The following MMP15 variants were observed in gnomAD, a reference collection of about 807,000 sequenced individuals.
MMP15 encodes matrix metalloproteinase-15.
In MMP15, 36 loss-of-function variants were observed where a neutral mutation model predicts 65.0. The observed-to-expected ratio is 0.55, with a 90% CI of 0.42 to 0.73. MMP15 has a LOEUF of 0.73. MMP15 is among the 30% of genes least tolerant of loss of function. The probability of loss-of-function intolerance (pLI) is 0.00; values close to 1 mark genes in which losing one functional copy is unlikely to be tolerated. For synonymous variants in MMP15, 428 were observed against 410.2 expected, an observed-to-expected ratio of 1.04 and a Z score of -0.52; for missense variants, 870 against 987.8, an observed-to-expected ratio of 0.88 and a Z score of 1.60.
intron 1 of MMP15, among the ~76,000 whole-genome samples, chr16:58,032,825 A>G (rs902898724): frequency 6.6e-6 from 1 of 152,228 alleles, no homozygotes. Context: ...GGCAGCCTTG[A>G]CAAGGCTTCT....
rs150497862 is a variant in MMP15, at chr16:58,041,675, G to A, written c.969G>A (p.Arg323=). 6.8e-4 allele frequency: 1,067 copies of A among 1,578,502 alleles called. 8 individuals are homozygous for A. The African/African-American group carries it at 0.013, about 19-fold the overall frequency. The change falls in exon 6 of 10, where the codon CGG becomes CGA. Residue 323 remains arginine, a synonymous_variant. Transcript: ENST00000219271. ...TQPLPTVTPR[R]PGRPDHRPPR... ...CTCTCCCCACTGTGACGCCACGGCG[G>A]CCAGGCCGGCCTGACCACCGGCCGC...
chr16:58,038,987 GCA>G (rs1195524635), intron 3 of MMP15, among the ~76,000 whole-genome samples: 3 of 152,158 alleles, frequency 2.0e-5, no homozygotes, highest in African/African-American at 7.2e-5. Context: ...TTAATGTCTA[GCA>G]CACAGAGCTG....
In MMP15 at chr16:58,026,261, C is replaced by T. The variant is rs1018082207; in HGVS notation, c.-90C>T. The T allele has an allele frequency of 1.5e-5, 18 of 1,220,010 alleles. No homozygotes were observed. Among genetic ancestry groups the T allele is most frequent in the East Asian group, 3.2e-5 (1 of 31,216 alleles). 75.6% of individuals were successfully genotyped at this position (1,220,010 alleles called of 1,614,324 possible). A position where few individuals can be genotyped will look rare whatever the true frequency, so the allele number is the denominator to read the frequency against. The stretch of plus-strand genomic sequence containing the variant: ...AGCCCGAGGTCCGCGGCGCGCCTGC[C>T]GGGCCAGGAGCCAGGGAGCGTCGCA... On this transcript the variant is annotated 5_prime_UTR_variant, in exon 1 of 10. Transcript: ENST00000219271.
intron 7 of MMP15, 128 bp downstream of exon 7, chr16:58,042,497 A>T: frequency 7.5e-7 from 1 of 1,329,496 alleles, no homozygotes; most frequent in Non-Finnish European, 1.0e-6. Context: ...CTGTGGGCTC[A>T]CTCTGGGAGG....
At chr16:58,040,804 C>T in intron 5 of MMP15, 106 bp downstream of exon 5, 16 of 1,496,678 alleles carry the variant, frequency 1.1e-5, no homozygotes, top group Non-Finnish European at 1.4e-5. Context: ...GAACCCAAGG[C>T]TCAGTGAGGA....
In MMP15 at chr16:58,043,519, C is replaced by T. The variant is rs767142227; in HGVS notation, c.1462C>T (p.Arg488Cys). 2.9e-5 allele frequency: 47 copies of T among 1,613,782 alleles called. No homozygotes were observed. The highest frequency in any genetic ancestry group is 3.4e-6 in the Non-Finnish European group (4 of 1,179,884). Residue 488 changes from arginine (R) to cysteine (C), a missense_variant, in exon 9 of 10, where the codon CGC (arginine) becomes TGC (cysteine). Arg to Cys is a radical substitution (Grantham distance 180, BLOSUM62 -3). Coordinates refer to ENST00000219271, the MANE Select transcript of MMP15 (RefSeq NM_002428.4). ...TFFFQEDRYWRFNEETQRGDP... is the reference protein window; with the variant it reads ...TFFFQEDRYWCFNEETQRGDP... ...TGGTGCTTTTGTTCACAGGTACTGGCGCTTCAACGAGGAGACACAGCGTGG... is the reference window on the plus strand; with the variant it reads ...TGGTGCTTTTGTTCACAGGTACTGGTGCTTCAACGAGGAGACACAGCGTGG...
chr16:58,042,287 C>T lies in MMP15; in HGVS notation c.1221C>T (p.Pro407=). ...GCGTCCTGGACAACTATCCCATGCC[C>T]ATCGGGCACTTCTGGCGTGGTCTGC... ...HNRVLDNYPM[P]IGHFWRGLPG... The change falls in exon 7 of 10, where the codon CCC becomes CCT. Residue 407 remains proline, a synonymous_variant. Coordinates refer to ENST00000219271, the MANE Select transcript of MMP15 (RefSeq NM_002428.4). 6.2e-7 allele frequency: 1 copy of T among 1,614,226 alleles called. No individual in the cohort carries two copies. The highest frequency in any genetic ancestry group is 1.6e-4 in the Middle Eastern group (1 of 6,062).
chr16:58,044,934 G>A, intron 9 of MMP15, 73 bp from the exon 10 acceptor site: 2 of 1,537,646 alleles, frequency 1.3e-6, no homozygotes, highest in East Asian at 2.3e-5. Flanking sequence ...CCCTCAGCAT[G>A]TCCTGGCCTT....
At chr16:58,026,633 G>A (rs1963819454) in intron 1 of MMP15, 121 bp downstream of exon 1, 1 of 1,131,160 alleles carries the variant, frequency 8.8e-7, no homozygotes. Context: ...CTGGGCCGTG[G>A]CGGGGAAGCA....
At position 58,045,595 on chromosome 16, in the gene MMP15, T is replaced by G. The variant is rs138174529; in HGVS notation, c.*149T>G. 734 of 660,038 alleles carry G rather than the reference T, an allele frequency of 1.1e-3. 9 individuals carry two copies. The African/African-American group carries it at 0.012, about 11-fold the overall frequency. 40.9% of individuals were successfully genotyped at this position (660,038 alleles called of 1,614,324 possible). On this transcript the variant is annotated 3_prime_UTR_variant, in exon 10 of 10. Coordinates refer to ENST00000219271, the MANE Select transcript of MMP15 (RefSeq NM_002428.4). Reference sequence around the variant, plus strand: ...CTCATTATTTATGTCCAGGTGTTTGTTTTGTTTTGTTTTTGGCACCTTACT... The same window carrying G: ...CTCATTATTTATGTCCAGGTGTTTGGTTTGTTTTGTTTTTGGCACCTTACT...
At position 58,026,395 on chromosome 16, in the gene MMP15, C is replaced by A. The variant is rs887797415; in HGVS notation, c.45C>A (p.Gly15=). 7.1e-7 allele frequency: 1 copy of A among 1,411,708 alleles called. No homozygotes were observed. 87.4% of individuals were successfully genotyped at this position (1,411,708 alleles called of 1,614,324 possible). The change falls in exon 1 of 10, where the codon GGC becomes GGA. Residue 15 remains glycine (G), a synonymous_variant. Transcript: ENST00000219271. The stretch of plus-strand genomic sequence containing the variant: ...CGCCCGGACGGCCGGGCTGGACGGG[C>A]AGCCTCCTCGGCGACCGGGAGGAGG... ...PSAPGRPGWT[G]SLLGDREEAA... is the part of the protein sequence containing the mutation.
chr16:58,044,977 G>T, intron 9 of MMP15, 30 bp from the exon 10 acceptor site: 1 of 1,612,398 alleles, frequency 6.2e-7, no homozygotes, highest in Non-Finnish European at 8.5e-7. Flanking sequence ...GGCTCAACCT[G>T]AAGCCACTCT....
In MMP15 at chr16:58,039,495, G is replaced by A. The variant is rs80327310; in HGVS notation, c.441-380G>A. Reference sequence around the variant, plus strand: ...ACTTACCCAAGGTCACACAGATACTGTTAGAGCCAGGCCTTGAACTCAGGT... The same window carrying A: ...ACTTACCCAAGGTCACACAGATACTATTAGAGCCAGGCCTTGAACTCAGGT... On this transcript the variant is annotated intron_variant, in intron 3 of 9. Coordinates refer to ENST00000219271, the MANE Select transcript of MMP15 (RefSeq NM_002428.4). Among the ~76,000 whole-genome samples the A allele has an allele frequency of 3.0e-3, 463 of 152,330 alleles. 5 individuals carry two copies. The highest frequency in any genetic ancestry group is 0.02 in the East Asian group (106 of 5,178).
At chr16:58,042,171 G>A (rs1959470465) in intron 6 of MMP15, 60 bp from the exon 7 acceptor site, 36 of 1,564,504 alleles carry the variant, frequency 2.3e-5, no homozygotes, top group Non-Finnish European at 3.1e-5. Flanking sequence ...TTTGAGGATG[G>A]CACCTCTCCC....
intron 1 of MMP15, among the ~76,000 whole-genome samples, chr16:58,028,955 C>G (rs1963861026): frequency 6.6e-6 from 1 of 152,256 alleles, no homozygotes; most frequent in South Asian, 2.1e-4. Flanking sequence ...TGTTCCTGCC[C>G]TGCAGGGCTG....
chr16:58,036,323 T>G (rs1212429253), intron 1 of MMP15, among the ~76,000 whole-genome samples: 2 of 152,218 alleles, frequency 1.3e-5, no homozygotes, highest in Non-Finnish European at 2.9e-5. Flanking sequence ...GTCTCTGCCC[T>G]CTGGCTTGGC....
At chr16:58,043,686 A>G in intron 9 of MMP15, 59 bp downstream of exon 9, 1 of 1,289,534 alleles carries the variant, frequency 7.8e-7, no homozygotes, top group South Asian at 1.3e-5. Flanking sequence ...TACACACACC[A>G]CAGGGCAGGG....
intron 3 of MMP15, among the ~76,000 whole-genome samples, chr16:58,038,713 A>G (rs1959386400): frequency 6.6e-6 from 1 of 152,172 alleles, no homozygotes; most frequent in Admixed American, 6.5e-5. Context: ...GGCATCCATC[A>G]AGTGAACAGG....
At chr16:58,026,641 G>A in intron 1 of MMP15, 129 bp downstream of exon 1, 2 of 1,077,294 alleles carry the variant, frequency 1.9e-6, no homozygotes, top group Non-Finnish European at 1.2e-6. Flanking sequence ...TGGCGGGGAA[G>A]CAAGCGGACT....
Sources: gnomAD v4.1 joint callset for allele counts (sites outside exome capture counted in the v4.1 genomes callset) on GRCh38, gnomAD v4.1.1 for gene constraint, MANE v1.5 for transcripts, NCBI Gene and HGNC (gene_info 2026-07-23, HGNC 2026-07-21) for gene names.